Variants in PTPRZ1 observed in about 807,000 individuals in gnomAD.
The protein encoded by PTPRZ1 is receptor-type tyrosine-protein phosphatase zeta.
Under a neutral mutation model 214.1 loss-of-function variants are expected in PTPRZ1, and 82 were observed. The observed-to-expected ratio is 0.38, with a 90% CI of 0.32 to 0.46. The LOEUF (loss-of-function observed/expected upper bound fraction) is 0.46, where lower values mean the gene tolerates loss of function less well. Ranked by LOEUF, PTPRZ1 falls within the 20% of genes least tolerant of loss-of-function variation. The pLI is 1.00. For synonymous variants in PTPRZ1, 945 were observed against 987.9 expected, an observed-to-expected ratio of 0.96 and a Z score of 0.81; for missense variants, 2,603 against 2,748.7, an observed-to-expected ratio of 0.95 and a Z score of 1.19.
At chr7:121,996,989 A>G (rs906238491) in intron 9 of PTPRZ1, among the ~76,000 whole-genome samples, 4 of 152,112 alleles carry the variant, frequency 2.6e-5, no homozygotes, top group Non-Finnish European at 5.9e-5. Flanking sequence ...GCACCAAAAA[A>G]TTTTCAGATA....
intron 3 of PTPRZ1, among the ~76,000 whole-genome samples, chr7:121,969,721 A>C (rs1797171177): frequency 6.6e-6 from 1 of 152,044 alleles, no homozygotes; most frequent in Admixed American, 6.5e-5. Context: ...TCTTGACATT[A>C]TTATTTTCAG....
chr7:121,896,075 C>G lies in PTPRZ1; in HGVS notation c.58+22518C>G, dbSNP rs906456197. Among the ~76,000 whole-genome samples, 8 of 152,102 alleles carry G rather than the reference C, an allele frequency of 5.3e-5. 1 individual carries two copies. Among genetic ancestry groups the G allele is most frequent in the African/African-American group, 1.9e-4 (8 of 41,422 alleles). ...TCTGATCAACGTAATTTATGCTGGA[C>G]TTTGAATTTCCAACCTTCATAAGGA... On this transcript the variant is annotated intron_variant, in intron 1 of 29. Coordinates refer to ENST00000393386, the MANE Select transcript of PTPRZ1 (RefSeq NM_002851.3).
intron 12 of PTPRZ1, among the ~76,000 whole-genome samples, chr7:122,017,501 G>A (rs1798876245): frequency 6.6e-6 from 1 of 151,530 alleles, no homozygotes; most frequent in Admixed American, 6.6e-5. Flanking sequence ...AACATCTTGG[G>A]AAGTGTGTGT....
At position 121,873,192 on chromosome 7, in the gene PTPRZ1, C is replaced by A; in HGVS notation, c.-308C>A. 2.4e-6 allele frequency: 1 copy of A among 415,278 alleles called. No homozygotes were observed. The highest frequency in any genetic ancestry group is 4.2e-6 in the Non-Finnish European group (1 of 236,222). 25.7% of individuals were successfully genotyped at this position (415,278 alleles called of 1,614,324 possible). On this transcript the variant is annotated 5_prime_UTR_variant, in exon 1 of 30. Transcript: ENST00000393386. The stretch of plus-strand genomic sequence containing the variant: ...CGGCCGCCGCAGCCGGCGAAAGAGG[C>A]AAAGTCCCGCACGCCGGAGGACATG...
At chr7:121,996,677 G>C in intron 9 of PTPRZ1, 111 bp downstream of exon 9, 1 of 835,172 alleles carries the variant, frequency 1.2e-6, no homozygotes, top group Non-Finnish European at 1.7e-6. Context: ...TAGACTTTAT[G>C]TGAAGGTGGG....
At chr7:121,957,062 C>G (rs764839823) in intron 2 of PTPRZ1, among the ~76,000 whole-genome samples, 11 of 152,230 alleles carry the variant, frequency 7.2e-5, no homozygotes, top group Non-Finnish European at 2.9e-5. Flanking sequence ...GCGCACACTT[C>G]GCTTGGCATT....
intron 6 of PTPRZ1, among the ~76,000 whole-genome samples, chr7:121,979,360 C>T (rs972610090): frequency 1.3e-5 from 2 of 152,092 alleles, no homozygotes; most frequent in East Asian, 1.9e-4. Context: ...TGCAATCTTT[C>T]GAGTTGCAGG....
chr7:122,026,355 T>A (rs1246008285), intron 13 of PTPRZ1, among the ~76,000 whole-genome samples: 1 of 152,216 alleles, frequency 6.6e-6, no homozygotes, highest in Non-Finnish European at 1.5e-5. Flanking sequence ...TTTCACCAGC[T>A]TGTATAACTG....
intron 1 of PTPRZ1, among the ~76,000 whole-genome samples, chr7:121,905,823 CT>C (rs765662803): frequency 3.9e-5 from 6 of 152,094 alleles, no homozygotes; most frequent in Non-Finnish European, 8.8e-5. Context: ...GATAGATCAC[CT>C]GGTCATTTTA....
At chr7:121,947,343 C>T (rs529283394) in intron 2 of PTPRZ1, among the ~76,000 whole-genome samples, 19 of 151,964 alleles carry the variant, frequency 1.3e-4, no homozygotes, top group Middle Eastern at 6.9e-3. Flanking sequence ...AAAATGAAGC[C>T]TTTTAATATT....
At chr7:122,017,411 T>A (rs1183364477) in intron 12 of PTPRZ1, among the ~76,000 whole-genome samples, 2 of 152,110 alleles carry the variant, frequency 1.3e-5, no homozygotes, top group African/African-American at 4.8e-5. Context: ...ACATTTTCAC[T>A]TTTTATACAG....
intron 3 of PTPRZ1, among the ~76,000 whole-genome samples, chr7:121,971,284 T>C (rs1220463560): frequency 1.3e-5 from 2 of 152,226 alleles, no homozygotes; most frequent in Admixed American, 6.5e-5. Flanking sequence ...TAAAATGTGC[T>C]AGGCTTTATA....
rs141014476 is a variant in PTPRZ1 at position 121,906,333 on chromosome 7, T to C, written c.59-21823T>C. Among the ~76,000 whole-genome samples the C allele has an allele frequency of 2.4e-3, 363 of 152,296 alleles. 2 individuals are homozygous for C. Among genetic ancestry groups the C allele is most frequent in the African/African-American group, 8.2e-3 (342 of 41,584 alleles). Reference sequence around the variant, plus strand: ...TTTAAGGAGGCATGTGGGTGTGTATTGCTCACTCTCTGATATACAACATGG... The same window carrying C: ...TTTAAGGAGGCATGTGGGTGTGTATCGCTCACTCTCTGATATACAACATGG... On this transcript the variant is annotated intron_variant, in intron 1 of 29. Coordinates refer to ENST00000393386, the MANE Select transcript of PTPRZ1 (RefSeq NM_002851.3).
At position 122,036,584 on chromosome 7, in the gene PTPRZ1, T is replaced by C; in HGVS notation, c.5285-16T>C. On this transcript the variant is annotated splice_polypyrimidine_tract_variant and intron_variant, in intron 17 of 29. Transcript: ENST00000393386. ...TAGTCTGTGCTACAATGAAATATAT[T>C]CTCTTTATATTACAGATGATCATAG... 6.5e-7 allele frequency: 1 copy of C among 1,532,008 alleles called. No individual in the cohort carries two copies. The highest frequency in any genetic ancestry group is 9.0e-7 in the Non-Finnish European group (1 of 1,108,350). The allele number at this position is 1,532,008 out of a possible 1,614,324, so 94.9% of individuals were successfully genotyped here. A position where few individuals can be genotyped will look rare whatever the true frequency, so the allele number is the denominator to read the frequency against.
At chr7:121,926,386 C>T in intron 1 of PTPRZ1, among the ~76,000 whole-genome samples, 1 of 151,020 alleles carries the variant, frequency 6.6e-6, no homozygotes, top group East Asian at 1.9e-4. Flanking sequence ...TGGTCAAGAA[C>T]AACCCTTTCT....
intron 2 of PTPRZ1, among the ~76,000 whole-genome samples, chr7:121,950,984 T>G (rs1796527136): frequency 6.6e-6 from 1 of 152,188 alleles, no homozygotes; most frequent in South Asian, 2.1e-4. Context: ...GAAGACTAAG[T>G]CATAAAATAT....
rs987806297 is a variant in PTPRZ1 at position 122,036,923 on chromosome 7, G to C, written c.5367+241G>C. Among the ~76,000 whole-genome samples, 3 of 152,304 alleles carry C rather than the reference G, an allele frequency of 2.0e-5. No individual in the cohort carries two copies. In the East Asian group the frequency reaches 5.8e-4, roughly 29 times the overall value. The stretch of plus-strand genomic sequence containing the variant: ...TGAGTGAGGAAAGGAATTCATGATG[G>C]GAGTGTACCTTCAGGGTGGAATAGG... On this transcript the variant is annotated intron_variant, in intron 18 of 29. Coordinates refer to ENST00000393386, the MANE Select transcript of PTPRZ1 (RefSeq NM_002851.3).
intron 28 of PTPRZ1, 139 bp from the exon 29 acceptor site, chr7:122,059,614 A>G (rs1158308677): frequency 2.1e-6 from 2 of 950,150 alleles, no homozygotes; most frequent in African/African-American, 3.3e-5. Flanking sequence ...TCTTTGTGCA[A>G]AAAGCGAAGA....
In PTPRZ1 at chr7:122,012,358, T is replaced by C; in HGVS notation, c.3312T>C (p.Ala1104=). Residue 1104 remains alanine (A), a synonymous_variant, in exon 12 of 30, where the codon GCT becomes GCC. Transcript: ENST00000393386. ...AGGGCATGTTTCCAGGGTCCCTTGC[T>C]CATACCACCACTAAGGTTTTTGATC... ...STKGMFPGSL[A]HTTTKVFDHE... is the part of the protein sequence containing the mutation. 6.2e-7 allele frequency: 1 copy of C among 1,614,024 alleles called. No individual in the cohort carries two copies. Among genetic ancestry groups the C allele is most frequent in the Non-Finnish European group, 8.5e-7 (1 of 1,179,906 alleles).
Sources: allele counts gnomAD v4.1 joint callset (sites outside exome capture counted in the v4.1 genomes callset), GRCh38; gene constraint gnomAD v4.1.1; transcripts MANE v1.5; gene names NCBI Gene and HGNC (gene_info 2026-07-23, HGNC 2026-07-21).